PAM: variants seen among roughly 807,000 people sequenced by gnomAD.
PAM encodes the protein peptidyl-glycine alpha-amidating monooxygenase.
In PAM, 72 loss-of-function variants were observed where a neutral mutation model predicts 122.1. The ratio of observed to expected loss-of-function variants is 0.59; its 90% CI spans 0.49 to 0.72. PAM has a LOEUF of 0.72. Ranked by LOEUF, PAM falls within the 30% of genes least tolerant of loss-of-function variation. PAM has a pLI of 0.00. For synonymous variants in PAM, 389 were observed against 404.4 expected, an observed-to-expected ratio of 0.96 and a Z score of 0.46; for missense variants, 1,106 against 1,183.7, an observed-to-expected ratio of 0.93 and a Z score of 0.96.
At chr5:102,919,578 CAG>C (rs1368280316) in intron 5 of PAM, among the ~76,000 whole-genome samples, 3 of 150,808 alleles carry the variant, frequency 2.0e-5, no homozygotes, top group Non-Finnish European at 4.4e-5. Context: ...ATAAAAATAA[CAG>C]AATCTCCCAA....
At chr5:102,891,288 G>A (rs1257322824) in intron 3 of PAM, among the ~76,000 whole-genome samples, 1 of 151,866 alleles carries the variant, frequency 6.6e-6, no homozygotes, top group Non-Finnish European at 1.5e-5. Flanking sequence ...AAGGAGTTTT[G>A]TTGTAATTGC....
intron 15 of PAM, chr5:102,974,839 C>T (rs906681618): frequency 6.5e-6 from 1 of 154,768 alleles, no homozygotes; most frequent in Non-Finnish European, 1.4e-5. Context: ...TATACTGTCT[C>T]CTTGTAAGGT....
At chr5:102,871,255 A>G (rs986877179) in intron 3 of PAM, among the ~76,000 whole-genome samples, 2 of 152,194 alleles carry the variant, frequency 1.3e-5, no homozygotes, top group Non-Finnish European at 2.9e-5. Flanking sequence ...ACTGAGTGAC[A>G]TAATGTTCAG....
intron 1 of PAM, chr5:102,808,371 T>C (rs1053080007): frequency 2.6e-5 from 4 of 152,232 alleles, no homozygotes; most frequent in African/African-American, 9.7e-5. Flanking sequence ...AACAGATTTG[T>C]AGTTTGTACT....
At chr5:102,879,059 G>T (rs1790131486) in intron 3 of PAM, among the ~76,000 whole-genome samples, 1 of 152,106 alleles carries the variant, frequency 6.6e-6, no homozygotes, top group African/African-American at 2.4e-5. Context: ...CTCCCGAGTA[G>T]CTGGGACTAC....
At chr5:102,797,409 C>G (rs1202236130) in intron 1 of PAM, among the ~76,000 whole-genome samples, 2 of 152,088 alleles carry the variant, frequency 1.3e-5, no homozygotes. Context: ...TAGAATATAA[C>G]CTCACCCTTT....
intron 20 of PAM, among the ~76,000 whole-genome samples, chr5:103,008,460 A>G (rs1448254312): frequency 1.3e-5 from 2 of 152,156 alleles, no homozygotes; most frequent in East Asian, 1.9e-4. Flanking sequence ...TCTTTTCACA[A>G]TGAAGTGAAA....
intron 1 of PAM, among the ~76,000 whole-genome samples, chr5:102,822,383 G>A (rs575121374): frequency 1.3e-5 from 2 of 152,138 alleles, no homozygotes; most frequent in African/African-American, 2.4e-5. Flanking sequence ...CCATCCCACC[G>A]ACGAGCACAT....
chr5:102,810,697 G>A (rs929462896), intron 1 of PAM, among the ~76,000 whole-genome samples: 3 of 152,040 alleles, frequency 2.0e-5, no homozygotes, highest in African/African-American at 4.8e-5. Flanking sequence ...GCGTGGTGGC[G>A]CATGCCTGTA....
intron 7 of PAM, among the ~76,000 whole-genome samples, chr5:102,928,848 G>T (rs1750498555): frequency 6.6e-6 from 1 of 151,970 alleles, no homozygotes. Flanking sequence ...TTGTCCTAAA[G>T]AAAGATTTTT....
intron 5 of PAM, among the ~76,000 whole-genome samples, chr5:102,914,254 A>G (rs1055308855): frequency 6.6e-6 from 1 of 152,030 alleles, no homozygotes; most frequent in African/African-American, 2.4e-5. Context: ...TGTCTCATGG[A>G]CATAAAGATG....
rs190012446 is a variant in PAM at position 102,940,281 on chromosome 5, G to C, written c.527-6556G>C. Among the ~76,000 whole-genome samples, 163 of 151,530 alleles carry C rather than the reference G, an allele frequency of 1.1e-3. 1 individual carries two copies. The highest frequency in any genetic ancestry group is 1.9e-4 in the Non-Finnish European group (13 of 67,810). ...TTTAAAAGGACTTTTTAAAATCAAA[G>C]CTCTTCAATCCCTTTTCATTTCATG... On this transcript the variant is annotated intron_variant, in intron 7 of 25. Transcript: ENST00000438793.
chr5:103,000,872 G>A (rs1777183391), intron 16 of PAM, among the ~76,000 whole-genome samples: 1 of 151,950 alleles, frequency 6.6e-6, no homozygotes, highest in African/African-American at 2.4e-5. Context: ...TGACATGTGG[G>A]GATTATGGAA....
chr5:102,818,281 T>C (rs1299284033), intron 1 of PAM, among the ~76,000 whole-genome samples: 2 of 152,078 alleles, frequency 1.3e-5, no homozygotes, highest in Non-Finnish European at 2.9e-5. Flanking sequence ...AAGAGTATAA[T>C]GGATTATGTT....
At chr5:102,907,103 G>A (rs1799801901) in intron 4 of PAM, among the ~76,000 whole-genome samples, 1 of 151,684 alleles carries the variant, frequency 6.6e-6, no homozygotes, top group Non-Finnish European at 1.5e-5. Flanking sequence ...TTGCTCAGGT[G>A]TCTTATTTCT....
intron 1 of PAM, among the ~76,000 whole-genome samples, chr5:102,813,597 T>A (rs934272682): frequency 6.6e-6 from 1 of 152,202 alleles, no homozygotes; most frequent in African/African-American, 2.4e-5. Flanking sequence ...CATCTTTAAA[T>A]GAGGGCGAAA....
intron 1 of PAM, among the ~76,000 whole-genome samples, chr5:102,836,859 C>CGAGAGAGAGAGAGAGAGGGAGA (rs1777197943): frequency 8.3e-6 from 1 of 120,786 alleles, no homozygotes; most frequent in South Asian, 3.3e-4. Context: ...AGAAAGAAAC[C>CGAGAGAGAGAGAGAGAGGGAGA]GAGAGAGAGA....
intron 16 of PAM, among the ~76,000 whole-genome samples, chr5:102,999,812 C>T (rs1224557913): frequency 1.3e-5 from 2 of 152,222 alleles, no homozygotes; most frequent in Non-Finnish European, 2.9e-5. Context: ...AGTCCTGAGG[C>T]TGCACAGAGC....
chr5:102,870,756 A>G (rs759969063), intron 3 of PAM, among the ~76,000 whole-genome samples: 4 of 152,182 alleles, frequency 2.6e-5, no homozygotes, highest in Non-Finnish European at 2.9e-5. Context: ...TAAATAGCCT[A>G]TCATAGAGAT....
Sources: allele counts gnomAD v4.1 joint callset (sites outside exome capture counted in the v4.1 genomes callset), GRCh38; gene constraint gnomAD v4.1.1; transcripts MANE v1.5; gene names NCBI Gene and HGNC (gene_info 2026-07-23, HGNC 2026-07-21).